Variants in CTNNA2 observed in about 807,000 individuals in gnomAD.
CTNNA2 encodes the protein catenin alpha-2.
Under a neutral mutation model 101.0 loss-of-function variants are expected in CTNNA2, and 42 were observed. The observed-to-expected ratio is 0.42, with a 90% confidence interval of 0.32 to 0.54. CTNNA2 has a LOEUF of 0.54. Among genes scored for constraint, CTNNA2 ranks in the 20% least tolerant of loss-of-function variants. CTNNA2 has a pLI of 0.14. For missense variants in CTNNA2, 871 were observed against 1,223.1 expected, an observed-to-expected ratio of 0.71 and a Z score of 4.29; for synonymous variants, 450 against 456.4, an observed-to-expected ratio of 0.99 and a Z score of 0.18.
Position 79,818,821 on chromosome 2 carries a change from T to TTATATATATATATATATATA in CTNNA2, c.299-39184_299-39165dup, listed in dbSNP as rs372924495. On this transcript the variant is annotated intron_variant, in intron 3 of 18. Transcript: ENST00000402739. ...ATATACTTCAGGATCCAAAATGCAA[T>TTATATATATATATATATATA]TATATATATATATATATATATATAT... is the stretch of plus-strand genomic sequence containing the variant. 6.6e-4 allele frequency among the ~76,000 whole-genome samples: 49 copies of TTATATATATATATATATATA among 74,226 alleles called. 1 individual carries two copies. The highest frequency in any genetic ancestry group is 3.5e-3 in the African/African-American group (47 of 13,574). The allele number at this position is 74,226 out of a possible 152,430, so 48.7% of individuals were successfully genotyped here. A position where few individuals can be genotyped will look rare whatever the true frequency, so the allele number is the denominator to read the frequency against.
chr2:79,521,867 G>T lies in CTNNA2; in HGVS notation c.-6+8660G>T, dbSNP rs140560033. Among the ~76,000 whole-genome samples the T allele has an allele frequency of 1.1e-3, 168 of 152,216 alleles. 3 individuals are homozygous for T. The East Asian group carries it at 0.03, about 27-fold the overall frequency. ...CTAGCCCACAGCATGAACTGGAGGG[G>T]CAGGGAATCTGGACCCAAGGGAACA... On this transcript the variant is annotated intron_variant, in intron 1 of 18. Coordinates refer to ENST00000402739, the MANE Select transcript of CTNNA2 (RefSeq NM_001282597.3).
At chr2:79,187,431 T>C (rs1194379583) in intron 1 of CTNNA2, among the ~76,000 whole-genome samples, 1 of 151,884 alleles carries the variant, frequency 6.6e-6, no homozygotes, top group African/African-American at 2.4e-5. Context: ...GTCTCCCAAG[T>C]AGCTGGGACC....
intron 1 of CTNNA2, among the ~76,000 whole-genome samples, chr2:79,624,617 C>A (rs1679192978): frequency 6.6e-6 from 1 of 152,068 alleles, no homozygotes; most frequent in Non-Finnish European, 1.5e-5. Context: ...TCACCAGCAT[C>A]TTTTTGGTGG....
intron 6 of CTNNA2, among the ~76,000 whole-genome samples, chr2:79,875,739 T>G (rs1682973384): frequency 6.6e-6 from 1 of 152,154 alleles, no homozygotes; most frequent in Non-Finnish European, 1.5e-5. Context: ...AGGTTTTTTT[T>G]GTGAGGATTA....
intron 7 of CTNNA2, among the ~76,000 whole-genome samples, chr2:80,218,227 T>C (rs1333460051): frequency 6.6e-6 from 1 of 152,218 alleles, no homozygotes; most frequent in Non-Finnish European, 1.5e-5. Flanking sequence ...TAAACTGCTT[T>C]GGGCTTTGGA....
chr2:80,610,425 A>G (rs1057415477), intron 17 of CTNNA2, among the ~76,000 whole-genome samples: 2 of 151,704 alleles, frequency 1.3e-5, no homozygotes, highest in Admixed American at 6.6e-5. Flanking sequence ...TTATTCTGTC[A>G]TGTGGCATGG....
intron 7 of CTNNA2, among the ~76,000 whole-genome samples, chr2:80,216,969 C>T (rs565888783): frequency 6.6e-6 from 1 of 151,910 alleles, no homozygotes; most frequent in South Asian, 2.1e-4. Context: ...TCCCACGTAG[C>T]TGTGACTACA....
At chr2:79,988,036 G>A (rs1469773260) in intron 7 of CTNNA2, among the ~76,000 whole-genome samples, 1 of 152,194 alleles carries the variant, frequency 6.6e-6, no homozygotes. Flanking sequence ...TGATTCTTGA[G>A]AGTTGACTGA....
intron 7 of CTNNA2, among the ~76,000 whole-genome samples, chr2:80,224,080 T>TGA (rs1553471588): frequency 6.6e-6 from 1 of 152,170 alleles, no homozygotes; most frequent in African/African-American, 2.4e-5. Context: ...CATGACTTGT[T>TGA]CTAGCCCTCT....
intron 1 of CTNNA2, among the ~76,000 whole-genome samples, chr2:79,630,442 A>G (rs1351765031): frequency 1.3e-5 from 2 of 152,218 alleles, no homozygotes; most frequent in Non-Finnish European, 2.9e-5. Context: ...ATATTTATAC[A>G]CAGAAACACA....
chr2:79,825,633 A>G lies in CTNNA2; in HGVS notation c.299-32380A>G, dbSNP rs186205541. 2.0e-3 allele frequency among the ~76,000 whole-genome samples: 302 copies of G among 152,274 alleles called. 1 individual carries two copies. Among genetic ancestry groups the G allele is most frequent in the African/African-American group, 7.1e-3 (293 of 41,558 alleles). ...GATTAAGAAGGCCTATGACACTAAA[A>G]TGGAAATATACAAAATAATGGGAAA... On this transcript the variant is annotated intron_variant, in intron 3 of 18. Transcript: ENST00000402739.
At chr2:79,626,461 C>T (rs1558781952) in intron 1 of CTNNA2, among the ~76,000 whole-genome samples, 2 of 152,152 alleles carry the variant, frequency 1.3e-5, no homozygotes, top group Admixed American at 6.5e-5. Context: ...GTTCACCAAA[C>T]TCTGATAGTA....
intron 2 of CTNNA2, among the ~76,000 whole-genome samples, chr2:79,670,605 A>C (rs944374406): frequency 6.6e-6 from 1 of 152,134 alleles, no homozygotes; most frequent in Non-Finnish European, 1.5e-5. Flanking sequence ...TGGGTGCCTT[A>C]TTTCTCCTAC....
chr2:80,287,310 T>C (rs1019550032), intron 7 of CTNNA2, among the ~76,000 whole-genome samples: 1 of 152,052 alleles, frequency 6.6e-6, no homozygotes, highest in Admixed American at 6.6e-5. Context: ...ACTACCATCT[T>C]CCCCCCTCCC....
chr2:79,596,948 C>T (rs1677228109), intron 1 of CTNNA2, among the ~76,000 whole-genome samples: 1 of 152,048 alleles, frequency 6.6e-6, no homozygotes, highest in Non-Finnish European at 1.5e-5. Context: ...AAGATAAGTC[C>T]AGGACAGTCA....
chr2:80,325,067 T>G (rs146084478), intron 7 of CTNNA2, among the ~76,000 whole-genome samples: 11 of 152,222 alleles, frequency 7.2e-5, no homozygotes, highest in Non-Finnish European at 1.0e-4. Flanking sequence ...GGGGTTTCAA[T>G]GCTTCTGTCC....
rs112923481 is a variant in CTNNA2 at position 79,504,059 on chromosome 2, C to T, written c.-134-995C>T. 4.5e-4 allele frequency among the ~76,000 whole-genome samples: 68 copies of T among 152,238 alleles called. 1 individual carries two copies. The highest frequency in any genetic ancestry group is 1.6e-3 in the African/African-American group (68 of 41,534). Reference sequence around the variant, plus strand: ...AGGCTACTCCACTAAGGACTCAGACCTTCAGCAATGAAGATTTGGCTCATT... The same window carrying T: ...AGGCTACTCCACTAAGGACTCAGACTTTCAGCAATGAAGATTTGGCTCATT... On this transcript the variant is annotated intron_variant, in intron 4 of 21. Transcript: ENST00000466387.
At chr2:79,977,119 TA>T (rs1690905784) in intron 7 of CTNNA2, among the ~76,000 whole-genome samples, 1 of 152,122 alleles carries the variant, frequency 6.6e-6, no homozygotes, top group Non-Finnish European at 1.5e-5. Context: ...AGGATAGTCT[TA>T]CTAAATAATT....
At chr2:79,904,465 T>C (rs1325234363) in intron 6 of CTNNA2, among the ~76,000 whole-genome samples, 1 of 152,200 alleles carries the variant, frequency 6.6e-6, no homozygotes, top group Admixed American at 6.5e-5. Flanking sequence ...AATTTTCGTT[T>C]TAAAGTAATA....
Sources: gnomAD v4.1 joint callset for allele counts (sites outside exome capture counted in the v4.1 genomes callset) on GRCh38, gnomAD v4.1.1 for gene constraint, MANE v1.5 for transcripts, NCBI Gene and HGNC (gene_info 2026-07-23, HGNC 2026-07-21) for gene names.